The following CSK variants were observed in gnomAD, a reference collection of about 807,000 sequenced individuals.
The protein encoded by CSK is tyrosine-protein kinase CSK.
A neutral mutation model predicts 62.3 loss-of-function variants in CSK; 7 were observed. The ratio of observed to expected loss-of-function variants is 0.11; its 90% CI spans 0.06 to 0.21. The LOEUF is 0.21. Among genes scored for constraint, CSK ranks in the 10% least tolerant of loss-of-function variants. The pLI is 1.00. For synonymous variants in CSK, 237 were observed against 246.0 expected, an observed-to-expected ratio of 0.96 and a Z score of 0.34; for missense variants, 294 against 613.5, an observed-to-expected ratio of 0.48 and a Z score of 5.50.
At chr15:74,797,011 G>A (rs1043874329) in intron 1 of CSK, among the ~76,000 whole-genome samples, 8 of 151,982 alleles carry the variant, frequency 5.3e-5, no homozygotes, top group Non-Finnish European at 1.0e-4. Flanking sequence ...TGTGACCTTG[G>A]CTCACTGTAG....
At position 74,802,994 on chromosome 15, in the gene CSK, C is replaced by G. The variant is rs1203964672; in HGVS notation, c.*481C>G. 6.1e-6 allele frequency: 1 copy of G among 163,248 alleles called. No individual in the cohort carries two copies. Among genetic ancestry groups the G allele is most frequent in the African/African-American group, 2.4e-5 (1 of 41,512 alleles). The allele number at this position is 163,248 out of a possible 1,614,324, so 10.1% of individuals were successfully genotyped here. On this transcript the variant is annotated 3_prime_UTR_variant, in exon 13 of 13. Coordinates refer to ENST00000220003, the MANE Select transcript of CSK (RefSeq NM_004383.3). The stretch of plus-strand genomic sequence containing the variant: ...CCTCGCCCCAGCCTCATTCCCCATT[C>G]TGTGTCCCATGTCCCGTGTCTCCTC...
rs747641267 is a variant in CSK at position 74,800,471 on chromosome 15, G to A, written c.522G>A (p.Glu174=). 5 of 1,613,972 alleles carry A rather than the reference G, an allele frequency of 3.1e-6. No homozygotes were observed. The Admixed American group carries it at 6.7e-5, about 22-fold the overall frequency. ...CTRLIKPKVM[E]GTVAAQDEFY... Reference sequence around the variant, plus strand: ...GCCTCATTAAACCAAAGGTCATGGAGGGCACAGTGGCGGCCCAGGATGAGT... The same window carrying A: ...GCCTCATTAAACCAAAGGTCATGGAAGGCACAGTGGCGGCCCAGGATGAGT... The change falls in exon 6 of 13, where the codon GAG becomes GAA. Residue 174 remains glutamate (E), a synonymous_variant. Transcript: ENST00000220003.
intron 1 of CSK, among the ~76,000 whole-genome samples, chr15:74,785,896 A>C (rs2063508077): frequency 6.6e-6 from 1 of 151,850 alleles, no homozygotes; most frequent in South Asian, 2.1e-4. Flanking sequence ...TGGCCCTGGG[A>C]AGATGGGCTG....
At chr15:74,783,504 C>T (rs2063469356) in intron 1 of CSK, among the ~76,000 whole-genome samples, 2 of 152,194 alleles carry the variant, frequency 1.3e-5, no homozygotes, top group South Asian at 4.1e-4. Context: ...AAGTTGCTAC[C>T]CCAGGCCTCT....
Position 74,795,128 on chromosome 15 carries a change from T to C in CSK, c.-65-3105T>C, listed in dbSNP as rs973278410. Among the ~76,000 whole-genome samples, 16 of 152,224 alleles carry C rather than the reference T, an allele frequency of 1.1e-4. No homozygotes were observed. In the East Asian group the frequency reaches 2.5e-3, roughly 24 times the overall value. On this transcript the variant is annotated intron_variant, in intron 1 of 12. Coordinates refer to ENST00000220003, the MANE Select transcript of CSK (RefSeq NM_004383.3). ...CCCTGCCTGACACCTTTGCTCAGAC[T>C]GCTGCATCAACCTGGGGTGCCTTCC...
chr15:74,789,115 T>C (rs1019425223), intron 1 of CSK, among the ~76,000 whole-genome samples: 2 of 152,194 alleles, frequency 1.3e-5, no homozygotes, highest in Non-Finnish European at 2.9e-5. Flanking sequence ...CACTGAACCA[T>C]TGGGGGCAGG....
intron 1 of CSK, among the ~76,000 whole-genome samples, chr15:74,793,839 C>T (rs1025598053): frequency 2.6e-5 from 4 of 151,928 alleles, no homozygotes; most frequent in African/African-American, 4.8e-5. Flanking sequence ...GCAGCCTCCG[C>T]GCCCCCCTGT....
In CSK at chr15:74,798,704, G is replaced by A. The variant is rs1042156485; in HGVS notation, c.105G>A (p.Val35=). 1 of 1,613,734 alleles carries A rather than the reference G, an allele frequency of 6.2e-7. No homozygotes were observed. Among genetic ancestry groups the A allele is most frequent in the Non-Finnish European group, 8.5e-7 (1 of 1,180,010 alleles). The change falls in exon 3 of 13, where the codon GTG becomes GTA. Residue 35 remains valine (V), a synonymous_variant. Transcript: ENST00000220003. This position sits in a 1 kb window ranked among gnomAD's most constrained non-coding sequence, Gnocchi z 6.6. Reference sequence around the variant, plus strand: ...ACCTGCCCTTCTGCAAAGGAGACGTGCTCACCATTGTGGCCGTCACCAAGG... The same window carrying A: ...ACCTGCCCTTCTGCAAAGGAGACGTACTCACCATTGTGGCCGTCACCAAGG... ...EQDLPFCKGD[V]LTIVAVTKDP...
chr15:74,790,760 G>A (rs2063608048), intron 1 of CSK: 1 of 152,208 alleles, frequency 6.6e-6, no homozygotes, highest in South Asian at 2.1e-4. Flanking sequence ...TTACTGAGCA[G>A]CCGCTTTGGG....
At position 74,795,144 on chromosome 15, in the gene CSK, G is replaced by T. The variant is rs910024842; in HGVS notation, c.-65-3089G>T. On this transcript the variant is annotated intron_variant, in intron 1 of 12. Transcript: ENST00000220003. Reference sequence around the variant, plus strand: ...TGCTCAGACTGCTGCATCAACCTGGGGTGCCTTCCCTGGCCCGCCCTCTGC... The same window carrying T: ...TGCTCAGACTGCTGCATCAACCTGGTGTGCCTTCCCTGGCCCGCCCTCTGC... Among the ~76,000 whole-genome samples, 22 of 152,062 alleles carry T rather than the reference G, an allele frequency of 1.4e-4. 1 individual carries two copies. Among genetic ancestry groups the T allele is most frequent in the African/African-American group, 4.8e-4 (20 of 41,480 alleles).
chr15:74,800,304 C>A (rs900111232), intron 5 of CSK, 108 bp from the exon 6 acceptor site: 1 of 935,190 alleles, frequency 1.1e-6, no homozygotes, highest in East Asian at 2.6e-5. Context: ...CTCAGTGACT[C>A]CAGGCTAGGC....
chr15:74,795,922 TAAG>T (rs1273366296), intron 1 of CSK, among the ~76,000 whole-genome samples: 2 of 152,120 alleles, frequency 1.3e-5, no homozygotes, highest in East Asian at 1.9e-4. Flanking sequence ...GAAAATAAAA[TAAG>T]AAAATCATAT....
intron 1 of CSK, among the ~76,000 whole-genome samples, chr15:74,792,714 G>A (rs1043465844): frequency 6.6e-6 from 1 of 152,184 alleles, no homozygotes; most frequent in Non-Finnish European, 1.5e-5. Context: ...AGGGGACCCC[G>A]GCCTAGGCAC....
intron 1 of CSK, among the ~76,000 whole-genome samples, chr15:74,795,413 AG>A (rs1226042536): frequency 6.6e-6 from 1 of 152,210 alleles, no homozygotes; most frequent in Non-Finnish European, 1.5e-5. Context: ...CTGTCAGCCT[AG>A]CCCCCAGACC....
In CSK at chr15:74,801,988, A is replaced by G; in HGVS notation, c.1084-9A>G. Reference sequence around the variant, plus strand: ...GGATCTGACGCTGCTTCTTCCATCCACATGGCAGAAATTCTCCACTAAGTC... The same window carrying G: ...GGATCTGACGCTGCTTCTTCCATCCGCATGGCAGAAATTCTCCACTAAGTC... On this transcript the variant is annotated splice_polypyrimidine_tract_variant and intron_variant, in intron 11 of 12. Transcript: ENST00000220003. 1 of 1,613,580 alleles carries G rather than the reference A, an allele frequency of 6.2e-7. No homozygotes were observed. Among genetic ancestry groups the G allele is most frequent in the Non-Finnish European group, 8.5e-7 (1 of 1,179,704 alleles).
intron 1 of CSK, among the ~76,000 whole-genome samples, chr15:74,794,575 T>C (rs994887843): frequency 2.6e-5 from 4 of 152,126 alleles, no homozygotes; most frequent in Non-Finnish European, 4.4e-5. Flanking sequence ...ACGGAAGCTC[T>C]TTCATCCAGG....
At position 74,801,784 on chromosome 15, in the gene CSK, A is replaced by G. The variant is rs1194789965; in HGVS notation, c.977A>G (p.Asn326Ser). Residue 326 changes from asparagine (N) to serine (S), a missense_variant, in exon 11 of 13, where the codon AAC becomes AGC. This residue lies in a region of CSK where 26 missense variants were observed against 98.4 expected (regional missense o/e 0.26). Transcript: ENST00000220003. ...CGCAATGTGCTGGTGTCTGAGGACA[A>G]CGTGGCCAAGGTCAGCGACTTTGGT... ...AARNVLVSED[N>S]VAKVSDFGLT... The G allele has an allele frequency of 5.0e-6, 8 of 1,613,914 alleles. No individual in the cohort carries two copies. The highest frequency in any genetic ancestry group is 4.5e-5 in the East Asian group (2 of 44,898).
At chr15:74,784,622 G>A (rs997598380) in intron 1 of CSK, among the ~76,000 whole-genome samples, 4 of 152,152 alleles carry the variant, frequency 2.6e-5, no homozygotes, top group African/African-American at 7.2e-5. Context: ...ATTCACCACC[G>A]CAGGGGGGCC....
At chr15:74,786,013 TTGTG>T (rs1555464578) in intron 1 of CSK, among the ~76,000 whole-genome samples, 9 of 47,838 alleles carry the variant, frequency 1.9e-4, no homozygotes, top group East Asian at 8.5e-4. Context: ...TTTTTTTTTT[TTGTG>T]TGTGTGTGTG....
Sources: gnomAD v4.1 joint callset for allele counts (sites outside exome capture counted in the v4.1 genomes callset) on GRCh38, gnomAD v4.1.1 for gene constraint, gnomAD v4.1.1 regional missense constraint, Gnocchi (gnomAD v3.1) non-coding constraint, MANE v1.5 for transcripts, NCBI Gene and HGNC (gene_info 2026-07-23, HGNC 2026-07-21) for gene names.